The following TFAM variants were observed in gnomAD, a reference collection of about 807,000 sequenced individuals.
TFAM encodes mitochondrial transcription factor 1.
TFAM carries 13 observed loss-of-function variants against 30.6 expected under a neutral mutation model. That is an observed-to-expected ratio of 0.42 (90% CI 0.28 to 0.67). The LOEUF (loss-of-function observed/expected upper bound fraction) is 0.67. Ranked by LOEUF, TFAM falls within the 30% of genes least tolerant of loss-of-function variation. TFAM has a pLI of 0.21. For synonymous variants in TFAM, 106 were observed against 94.8 expected (o/e 1.12, Z -0.69); for missense variants, 231 against 293.7 (o/e 0.79, Z 1.56).
At chr10:58,391,198 A>G (rs745981303) in intron 5 of TFAM, among the ~76,000 whole-genome samples, 1 of 152,154 alleles carries the variant, frequency 6.6e-6, no homozygotes, top group Non-Finnish European at 1.5e-5. Flanking sequence ...TAGAGCTGCA[A>G]TATTTTCTAT....
rs540202840 is a variant in TFAM, at chr10:58,394,333, A to C, written c.538-25A>C. 15 of 1,581,862 alleles carry C rather than the reference A, an allele frequency of 9.5e-6. No individual in the cohort carries two copies. The South Asian group carries it at 1.3e-4, about 14-fold the overall frequency. The stretch of plus-strand genomic sequence containing the variant: ...TCACTGAAGTCCCCATATCTACCTT[A>C]ACTTAAACATATATTGTTTTACAGG... On this transcript the variant is annotated intron_variant, in intron 5 of 6. Coordinates refer to ENST00000487519, the MANE Select transcript of TFAM (RefSeq NM_003201.3).
chr10:58,389,069 G>A (rs1252989929), intron 4 of TFAM, among the ~76,000 whole-genome samples: 2 of 152,154 alleles, frequency 1.3e-5, no homozygotes, highest in Non-Finnish European at 1.5e-5. Flanking sequence ...TGTACAGTTC[G>A]TAGAACAGTA....
At chr10:58,386,047 G>A (rs910503338) in intron 1 of TFAM, among the ~76,000 whole-genome samples, 173 bp from the exon 2 acceptor site, 2 of 151,862 alleles carry the variant, frequency 1.3e-5, no homozygotes, top group African/African-American at 4.9e-5. Flanking sequence ...CAGTCCTGCA[G>A]ACGCTCCCCT....
chr10:58,393,653 G>T (rs530382126), intron 5 of TFAM, among the ~76,000 whole-genome samples: 4 of 152,050 alleles, frequency 2.6e-5, no homozygotes, highest in African/African-American at 4.8e-5. Flanking sequence ...TTTGGGAAGC[G>T]GGGTGGGAGG....
chr10:58,390,749 AATT>A lies in TFAM; in HGVS notation c.442-15_442-13del. 6.2e-7 allele frequency: 1 copy of A among 1,607,274 alleles called. No homozygotes were observed. The highest frequency in any genetic ancestry group is 8.5e-7 in the Non-Finnish European group (1 of 1,176,042). On this transcript the variant is annotated splice_polypyrimidine_tract_variant and intron_variant, in intron 4 of 6. Transcript: ENST00000487519. The stretch of plus-strand genomic sequence containing the variant: ...AGGTTAACACTATTTTTGACCCTCC[AATT>A]TTTTTAATTCAGGAGTTAACACTGC...
chr10:58,390,812 C>T lies in TFAM; in HGVS notation c.489C>T (p.Asn163=), dbSNP rs1354794777. Reference sequence around the variant, plus strand: ...CAAAAAGACCTCGTTCAGCTTATAACGTTTATGTAGCTGAAAGATTCCAAG... The same window carrying T: ...CAAAAAGACCTCGTTCAGCTTATAATGTTTATGTAGCTGAAAGATTCCAAG... ...GKPKRPRSAY[N]VYVAERFQEA... Residue 163 remains asparagine (N), a synonymous_variant, in exon 5 of 7, where the codon AAC becomes AAT. Coordinates refer to ENST00000487519, the MANE Select transcript of TFAM (RefSeq NM_003201.3). 4 of 1,613,148 alleles carry T rather than the reference C, an allele frequency of 2.5e-6. No homozygotes were observed. The highest frequency in any genetic ancestry group is 1.7e-5 in the Admixed American group (1 of 59,996).
At chr10:58,391,924 G>GTTTT (rs66572009) in intron 5 of TFAM, among the ~76,000 whole-genome samples, 2 of 133,514 alleles carry the variant, frequency 1.5e-5, no homozygotes, top group Non-Finnish European at 3.2e-5. Flanking sequence ...GTTCACTTAG[G>GTTTT]TTTTTTTTTT....
chr10:58,387,470 A>G (rs1371489252), intron 2 of TFAM, among the ~76,000 whole-genome samples: 3 of 152,190 alleles, frequency 2.0e-5, no homozygotes, highest in African/African-American at 4.8e-5. Context: ...TTGTTTCCAA[A>G]TGATATTTCT....
intron 4 of TFAM, among the ~76,000 whole-genome samples, chr10:58,389,497 ATTTCTTT>A (rs2132354222): frequency 6.6e-6 from 1 of 152,296 alleles, no homozygotes; most frequent in South Asian, 2.1e-4. Flanking sequence ...AGTTAAAACT[ATTTCTTT>A]GAAAGACTAG....
chr10:58,387,022 G>A (rs541078066), intron 2 of TFAM, among the ~76,000 whole-genome samples: 4 of 152,260 alleles, frequency 2.6e-5, no homozygotes, highest in South Asian at 2.1e-4. Flanking sequence ...CCAGCACTTC[G>A]GGAGGTCGAG....
In TFAM at chr10:58,386,319, A is replaced by G. The variant is rs1840490194; in HGVS notation, c.201A>G (p.Ile67Met). 9.3e-6 allele frequency: 15 copies of G among 1,613,296 alleles called. No individual in the cohort carries two copies. The highest frequency in any genetic ancestry group is 1.3e-5 in the Non-Finnish European group (15 of 1,179,360). The change falls in exon 2 of 7, where the codon ATA becomes ATG. Residue 67 changes from isoleucine to methionine, a missense_variant. Transcript: ENST00000487519. ...YLRFSKEQLPIFKAQNPDAKT... is the reference protein window; with the variant it reads ...YLRFSKEQLPMFKAQNPDAKT... ...GATTTTCTAAAGAACAACTACCCAT[A>G]TTTAAAGCTCAGAACCCAGGTAAGG...
At position 58,395,933 on chromosome 10, in the gene TFAM, A is replaced by G. The variant is rs1488705316; in HGVS notation, c.*859A>G. 1.5e-5 allele frequency: 3 copies of G among 203,936 alleles called. No individual in the cohort carries two copies. Among genetic ancestry groups the G allele is most frequent in the Non-Finnish European group, 2.9e-5 (3 of 103,252 alleles). The allele number at this position is 203,936 out of a possible 1,614,324, so 12.6% of individuals were successfully genotyped here. ...AAGTCTCCAAAGTCTCTGGAATTTG[A>G]AACACTTTGCATAACGTATAAAAGC... On this transcript the variant is annotated 3_prime_UTR_variant, in exon 7 of 7. Transcript: ENST00000487519.
At position 58,386,316 on chromosome 10, in the gene TFAM, C is replaced by G; in HGVS notation, c.198C>G (p.Pro66=). The part of the protein sequence containing the change: ...SYLRFSKEQL[P]IFKAQNPDAK... Reference sequence around the variant, plus strand: ...TTCGATTTTCTAAAGAACAACTACCCATATTTAAAGCTCAGAACCCAGGTA... The same window carrying G: ...TTCGATTTTCTAAAGAACAACTACCGATATTTAAAGCTCAGAACCCAGGTA... Residue 66 remains proline, a synonymous_variant, in exon 2 of 7, where the codon CCC becomes CCG. Coordinates refer to ENST00000487519, the MANE Select transcript of TFAM (RefSeq NM_003201.3). 1 of 1,613,294 alleles carries G rather than the reference C, an allele frequency of 6.2e-7. No homozygotes were observed. Among genetic ancestry groups the G allele is most frequent in the Non-Finnish European group, 8.5e-7 (1 of 1,179,424 alleles).
chr10:58,395,147 C>G lies in TFAM; in HGVS notation c.*73C>G, dbSNP rs553061539. On this transcript the variant is annotated 3_prime_UTR_variant, in exon 7 of 7. Transcript: ENST00000487519. ...GTTAGGTCTCAATACCTGAAGCTAT[C>G]GTAAAATTAAGAAAGGATAAAGTTG... is the stretch of plus-strand genomic sequence containing the variant. The G allele has an allele frequency of 4.8e-6, 7 of 1,468,826 alleles. No homozygotes were observed. Among genetic ancestry groups the G allele is most frequent in the Middle Eastern group, 1.7e-4 (1 of 5,752 alleles). 91.0% of individuals were successfully genotyped at this position (1,468,826 alleles called of 1,614,324 possible). A position where few individuals can be genotyped will look rare whatever the true frequency, so the allele number is the denominator to read the frequency against.
intron 4 of TFAM, 119 bp from the exon 5 acceptor site, chr10:58,390,646 C>G: frequency 1.2e-6 from 1 of 801,902 alleles, no homozygotes; most frequent in Non-Finnish European, 2.1e-6. Flanking sequence ...ATATAAGAAT[C>G]ATAACATTCA....
chr10:58,392,537 C>T (rs897609361), intron 5 of TFAM, among the ~76,000 whole-genome samples: 1 of 151,714 alleles, frequency 6.6e-6, no homozygotes, highest in African/African-American at 2.4e-5. Flanking sequence ...TCCTGAACTG[C>T]TGGATACATT....
chr10:58,392,847 TGG>T (rs1840621352), intron 5 of TFAM, among the ~76,000 whole-genome samples: 1 of 152,064 alleles, frequency 6.6e-6, no homozygotes, highest in African/African-American at 2.4e-5. Context: ...GCTAATTTTT[TGG>T]GTATTTTGTA....
chr10:58,387,183 A>T (rs1840506765), intron 2 of TFAM, among the ~76,000 whole-genome samples: 1 of 152,130 alleles, frequency 6.6e-6, no homozygotes, highest in Non-Finnish European at 1.5e-5. Context: ...GGATCACTGG[A>T]TCCCAGGAAG....
Position 58,395,864 on chromosome 10 carries a change from A to G in TFAM, c.*790A>G, listed in dbSNP as rs1840673070. The G allele has an allele frequency of 4.3e-6, 1 of 231,454 alleles. No homozygotes were observed. The highest frequency in any genetic ancestry group is 5.7e-5 in the Admixed American group (1 of 17,586). 14.3% of individuals were successfully genotyped at this position (231,454 alleles called of 1,614,324 possible). A position where few individuals can be genotyped will look rare whatever the true frequency, so the allele number is the denominator to read the frequency against. On this transcript the variant is annotated 3_prime_UTR_variant, in exon 7 of 7. Coordinates refer to ENST00000487519, the MANE Select transcript of TFAM (RefSeq NM_003201.3). ...GTGAGTATATTGATCCAGAAAGAAA[A>G]CTTGTATTATGTGTGTTTTAAAATG... is the stretch of plus-strand genomic sequence containing the variant.
Sources: allele counts gnomAD v4.1 joint callset (sites outside exome capture counted in the v4.1 genomes callset), GRCh38; gene constraint gnomAD v4.1.1; transcripts MANE v1.5; gene names NCBI Gene and HGNC (gene_info 2026-07-23, HGNC 2026-07-21).